The following GFPT1 variants were observed in gnomAD, a reference collection of about 807,000 sequenced individuals.
GFPT1 encodes glutamine--fructose-6-phosphate aminotransferase [isomerizing] 1.
Under a neutral mutation model 92.0 loss-of-function variants are expected in GFPT1, and 40 were observed. That is an observed-to-expected ratio of 0.43 (90% confidence interval 0.34 to 0.57). The LOEUF (loss-of-function observed/expected upper bound fraction) is 0.57. Ranked by LOEUF, GFPT1 falls within the 20% of genes least tolerant of loss-of-function variation. The pLI, the probability that GFPT1 is intolerant of heterozygous loss-of-function variation, is 0.02. For synonymous variants in GFPT1, 269 were observed against 280.6 expected (o/e 0.96, Z 0.41); for missense variants, 448 against 869.1 (o/e 0.52, Z 6.09).
At chr2:69,355,858 A>G (rs1671323408) in intron 7 of GFPT1, among the ~76,000 whole-genome samples, 1 of 152,230 alleles carries the variant, frequency 6.6e-6, no homozygotes, top group African/African-American at 2.4e-5. Flanking sequence ...ATATGTTTCA[A>G]AAAATACAGA....
rs555717048 is a variant in GFPT1 at position 69,354,922 on chromosome 2, T to C, written c.606-354A>G. Among the ~76,000 whole-genome samples the C allele has an allele frequency of 2.2e-4, 33 of 152,224 alleles. No individual in the cohort carries two copies. In the East Asian group the frequency reaches 5.4e-3, roughly 25 times the overall value. The stretch of plus-strand genomic sequence containing the variant: ...GGAAGGCTGAGTTAGGAGGATTGCC[T>C]GAGTCTGGGAGGTGAAGGTTGGAGT... On this transcript the variant is annotated intron_variant, in intron 7 of 19. Coordinates refer to ENST00000357308, the MANE Select transcript of GFPT1 (RefSeq NM_001244710.2).
chr2:69,380,837 C>G (rs1671991708), intron 1 of GFPT1, among the ~76,000 whole-genome samples: 1 of 152,170 alleles, frequency 6.6e-6, no homozygotes, highest in Non-Finnish European at 1.5e-5. Flanking sequence ...AACTGCTGAC[C>G]AATCCTATTA....
chr2:69,380,208 C>A (rs1238948857), intron 1 of GFPT1, among the ~76,000 whole-genome samples: 2 of 152,030 alleles, frequency 1.3e-5, no homozygotes, highest in East Asian at 3.9e-4. Context: ...GGCATGGTGA[C>A]GCGTGCCTGT....
At chr2:69,361,589 T>C (rs377186026) in intron 4 of GFPT1, among the ~76,000 whole-genome samples, 3 of 152,248 alleles carry the variant, frequency 2.0e-5, no homozygotes, top group East Asian at 3.9e-4. Flanking sequence ...GCCTTGTCAG[T>C]GTCAAAAGTC....
At position 69,362,557 on chromosome 2, in the gene GFPT1, G is replaced by A. The variant is rs182432309; in HGVS notation, c.349+988C>T. On this transcript the variant is annotated intron_variant, in intron 4 of 19. Coordinates refer to ENST00000357308, the MANE Select transcript of GFPT1 (RefSeq NM_001244710.2). ...TCACTCCTGTAATCCCAGCACTTTA[G>A]GAGGCTGAGGTGGGCGGATCACAAG... 2.9e-3 allele frequency among the ~76,000 whole-genome samples: 445 copies of A among 152,236 alleles called. 3 individuals carry two copies. Among genetic ancestry groups the A allele is most frequent in the African/African-American group, 8.4e-3 (350 of 41,548 alleles).
Position 69,324,201 on chromosome 2 carries a change from T to C in GFPT1, c.*1988A>G, listed in dbSNP as rs1158751815. 2.0e-5 allele frequency: 3 copies of C among 151,626 alleles called. No homozygotes were observed. The highest frequency in any genetic ancestry group is 7.3e-5 in the African/African-American group (3 of 41,276). 9.4% of individuals were successfully genotyped at this position (151,626 alleles called of 1,614,324 possible). ...GAACTTACCCTAGCTTTCAGTATAT[T>C]TGTGTGTGTGTGTGTACACATGTGC... is the stretch of plus-strand genomic sequence containing the variant. On this transcript the variant is annotated 3_prime_UTR_variant, in exon 20 of 20. Coordinates refer to ENST00000357308, the MANE Select transcript of GFPT1 (RefSeq NM_001244710.2).
At chr2:69,335,147 C>G (rs1670763507) in intron 15 of GFPT1, among the ~76,000 whole-genome samples, 1 of 152,142 alleles carries the variant, frequency 6.6e-6, no homozygotes. Context: ...GCTGGGACTA[C>G]ACGCACGCAC....
chr2:69,366,403 A>G (rs1302613512), intron 3 of GFPT1, among the ~76,000 whole-genome samples: 1 of 152,166 alleles, frequency 6.6e-6, no homozygotes, highest in Non-Finnish European at 1.5e-5. Flanking sequence ...TACCCATTTT[A>G]AAGCCCTTTG....
At chr2:69,372,183 A>G (rs1453764068) in intron 2 of GFPT1, among the ~76,000 whole-genome samples, 1 of 140,432 alleles carries the variant, frequency 7.1e-6, no homozygotes, top group East Asian at 2.2e-4. Context: ...CTTGTGACAG[A>G]GTGAGACTCC....
At chr2:69,348,869 C>G (rs1671144941) in intron 10 of GFPT1, among the ~76,000 whole-genome samples, 1 of 152,146 alleles carries the variant, frequency 6.6e-6, no homozygotes, top group Non-Finnish European at 1.5e-5. Context: ...CAACAAAGTG[C>G]CTTACCGTAA....
At chr2:69,371,751 G>A (rs2104683598) in intron 2 of GFPT1, among the ~76,000 whole-genome samples, 1 of 151,554 alleles carries the variant, frequency 6.6e-6, no homozygotes, top group East Asian at 2.0e-4. Flanking sequence ...GCAGGAGAAT[G>A]GCGTGAACCC....
At chr2:69,370,688 T>C (rs550561045) in intron 2 of GFPT1, among the ~76,000 whole-genome samples, 1 of 151,974 alleles carries the variant, frequency 6.6e-6, no homozygotes, top group Non-Finnish European at 1.5e-5. Context: ...AAAGCAAAAA[T>C]GAAGAGGACC....
intron 1 of GFPT1, among the ~76,000 whole-genome samples, chr2:69,386,454 C>T (rs1324061225): frequency 2.0e-5 from 3 of 152,152 alleles, no homozygotes; most frequent in Non-Finnish European, 2.9e-5. Context: ...TCGCCACAGA[C>T]ATTTGAAGGC....
At chr2:69,346,122 G>C in intron 11 of GFPT1, 123 bp from the exon 12 acceptor site, 2 of 676,664 alleles carry the variant, frequency 3.0e-6, no homozygotes, top group Middle Eastern at 4.0e-4. Flanking sequence ...TCATGCAATA[G>C]ACATGACTGC....
intron 12 of GFPT1, among the ~76,000 whole-genome samples, chr2:69,345,304 G>A (rs767764166): frequency 6.6e-6 from 1 of 152,138 alleles, no homozygotes; most frequent in Non-Finnish European, 1.5e-5. Flanking sequence ...AAAAATGCAG[G>A]AGGGTACAGG....
chr2:69,363,880 C>T (rs1331067231), intron 3 of GFPT1, among the ~76,000 whole-genome samples: 2 of 152,006 alleles, frequency 1.3e-5, no homozygotes, highest in South Asian at 2.1e-4. Context: ...TGTGGGAGGC[C>T]GAGGCAGGTG....
chr2:69,375,013 T>C (rs1671838122), intron 1 of GFPT1, among the ~76,000 whole-genome samples: 3 of 152,078 alleles, frequency 2.0e-5, no homozygotes, highest in Admixed American at 2.0e-4. Context: ...AAAAGAGCAA[T>C]CATTTGGAAA....
intron 3 of GFPT1, among the ~76,000 whole-genome samples, chr2:69,368,207 C>A (rs918881924): frequency 1.3e-5 from 2 of 152,226 alleles, no homozygotes; most frequent in African/African-American, 4.8e-5. Flanking sequence ...ATGGTGAAAC[C>A]CCATCTCTAC....
chr2:69,373,615 T>C (rs1386490487), intron 2 of GFPT1, among the ~76,000 whole-genome samples: 1 of 151,916 alleles, frequency 6.6e-6, no homozygotes, highest in Non-Finnish European at 1.5e-5. Context: ...TGAGACCCTA[T>C]CTCAAAAATA....
Sources: allele counts gnomAD v4.1 joint callset (sites outside exome capture counted in the v4.1 genomes callset), GRCh38; gene constraint gnomAD v4.1.1; transcripts MANE v1.5; gene names NCBI Gene and HGNC (gene_info 2026-07-23, HGNC 2026-07-21).